ZHX2: variants seen among roughly 807,000 people sequenced by gnomAD.
ZHX2 encodes zinc fingers and homeoboxes 2, also known as zinc fingers and homeoboxes protein 2.
A neutral mutation model predicts 21.9 loss-of-function variants in ZHX2; 6 were observed. The observed-to-expected ratio is 0.27, with a 90% CI of 0.15 to 0.54. The LOEUF is 0.54. ZHX2 is among the 20% of genes least tolerant of loss of function. The pLI is 0.95. For missense variants in ZHX2, 908 were observed against 1,090.7 expected (o/e 0.83, Z 2.36); for synonymous variants, 434 against 437.1 (o/e 0.99, Z 0.09).
chr8:122,918,119 G>A (rs1820648002), intron 2 of ZHX2, among the ~76,000 whole-genome samples: 1 of 152,162 alleles, frequency 6.6e-6, no homozygotes, highest in Non-Finnish European at 1.5e-5. Context: ...CATTCTAAGT[G>A]CCTCTTATTA....
At chr8:122,906,737 C>A (rs1348870132) in intron 2 of ZHX2, among the ~76,000 whole-genome samples, 1 of 136,060 alleles carries the variant, frequency 7.3e-6, no homozygotes, top group Non-Finnish European at 1.5e-5. Flanking sequence ...GTAGGGCTAT[C>A]TCAGCTCACT....
chr8:122,871,499 AGGGGAACATCACACACC>A, intron 2 of ZHX2, among the ~76,000 whole-genome samples: 1 of 124,384 alleles, frequency 8.0e-6, no homozygotes, highest in African/African-American at 3.1e-5. Context: ...GGACACAGGA[AGGGGAACATCACACACC>A]GGGGCCTGTT....
chr8:122,806,082 A>C (rs917844091), intron 1 of ZHX2, among the ~76,000 whole-genome samples: 1 of 152,150 alleles, frequency 6.6e-6, no homozygotes, highest in African/African-American at 2.4e-5. Context: ...CTATCAGATT[A>C]ATCATCACGC....
rs137987225 is a variant in ZHX2, at chr8:122,929,834, C to T, written c.-219-21458C>T. ...TACCAGTATAAATCCAACTCTATGG[C>T]GCTATGGGAAGCTATGGCTGCTACA... is the stretch of plus-strand genomic sequence containing the variant. On this transcript the variant is annotated intron_variant, in intron 2 of 3. Coordinates refer to ENST00000314393, the MANE Select transcript of ZHX2 (RefSeq NM_014943.5). Among the ~76,000 whole-genome samples the T allele has an allele frequency of 2.7e-3, 413 of 152,230 alleles. 1 individual carries two copies. The highest frequency in any genetic ancestry group is 4.2e-3 in the Non-Finnish European group (287 of 68,014).
At chr8:122,879,533 T>C (rs1016245114) in intron 2 of ZHX2, among the ~76,000 whole-genome samples, 2 of 151,818 alleles carry the variant, frequency 1.3e-5, no homozygotes, top group African/African-American at 2.4e-5. Context: ...TTCTGCGTCA[T>C]TTTTTTCATA....
At chr8:122,815,219 AG>A (rs1818006485) in intron 1 of ZHX2, among the ~76,000 whole-genome samples, 1 of 152,244 alleles carries the variant, frequency 6.6e-6, no homozygotes, top group Admixed American at 6.5e-5. Flanking sequence ...TGCAGTGGGC[AG>A]GGTCGGCTTC....
intron 1 of ZHX2, among the ~76,000 whole-genome samples, chr8:122,791,552 CATA>C (rs749940750): frequency 3.3e-5 from 5 of 152,122 alleles, no homozygotes; most frequent in Non-Finnish European, 7.4e-5. Flanking sequence ...CTTATCTGAT[CATA>C]ATAATAAGTG....
chr8:122,870,206 C>T (rs751420804), intron 2 of ZHX2, among the ~76,000 whole-genome samples: 11 of 152,100 alleles, frequency 7.2e-5, no homozygotes, highest in Non-Finnish European at 1.6e-4. Flanking sequence ...TTGAGATGGG[C>T]AAGGTCAATG....
At chr8:122,889,482 T>C (rs1819926649) in intron 2 of ZHX2, among the ~76,000 whole-genome samples, 1 of 152,382 alleles carries the variant, frequency 6.6e-6, no homozygotes, top group East Asian at 1.9e-4. Flanking sequence ...TGATTCACGA[T>C]GTTGAGCATT....
At chr8:122,934,447 T>C (rs1166239986) in intron 2 of ZHX2, among the ~76,000 whole-genome samples, 2 of 152,148 alleles carry the variant, frequency 1.3e-5, no homozygotes, top group Non-Finnish European at 2.9e-5. Flanking sequence ...TCACCATAAT[T>C]ATATTCTGTT....
chr8:122,930,556 A>ACT (rs1820959134), intron 2 of ZHX2, among the ~76,000 whole-genome samples: 1 of 145,176 alleles, frequency 6.9e-6, no homozygotes, highest in Non-Finnish European at 1.5e-5. Context: ...TCCTGAGAGA[A>ACT]TTTTTTTTTT....
chr8:122,878,540 T>C (rs1050884622), intron 2 of ZHX2, among the ~76,000 whole-genome samples: 1 of 152,282 alleles, frequency 6.6e-6, no homozygotes, highest in East Asian at 1.9e-4. Flanking sequence ...CCAGGCATGA[T>C]TTCATGGGAG....
At chr8:122,780,918 C>G (rs1295466995), upstream of ZHX2, 1 of 152,186 alleles carries the variant, frequency 6.6e-6, no homozygotes, top group Non-Finnish European at 1.5e-5. Flanking sequence ...AGATCTTTAA[C>G]CAGCCTCAGA....
intron 1 of ZHX2, among the ~76,000 whole-genome samples, chr8:122,783,815 T>G (rs1177932757): frequency 6.6e-6 from 1 of 152,226 alleles, no homozygotes. Context: ...ATACACAGCT[T>G]CTTTTAAGGC....
chr8:122,855,237 G>A (rs893760954), intron 1 of ZHX2, among the ~76,000 whole-genome samples: 6 of 152,196 alleles, frequency 3.9e-5, no homozygotes, highest in Admixed American at 1.3e-4. Context: ...TGTAAATGAC[G>A]TGTTTAATAG....
At chr8:122,880,572 C>T (rs185057767) in intron 2 of ZHX2, among the ~76,000 whole-genome samples, 42 of 151,918 alleles carry the variant, frequency 2.8e-4, no homozygotes, top group Admixed American at 1.3e-3. Context: ...GTCAGGAGTT[C>T]GAGACCAGCC....
chr8:122,951,504 A>G lies in ZHX2; in HGVS notation c.-7A>G. ...CAAAAATAAGCCATTGCACACAGAC[A>G]GGCAGCATGGCTAGCAAACGAAAAT... is the stretch of plus-strand genomic sequence containing the variant. On this transcript the variant is annotated 5_prime_UTR_variant, in exon 3 of 4. Coordinates refer to ENST00000314393, the MANE Select transcript of ZHX2 (RefSeq NM_014943.5). The G allele has an allele frequency of 6.2e-7, 1 of 1,607,562 alleles. No homozygotes were observed. The highest frequency in any genetic ancestry group is 1.1e-5 in the South Asian group (1 of 89,986).
At chr8:122,785,676 G>A (rs1023853725) in intron 1 of ZHX2, among the ~76,000 whole-genome samples, 1 of 152,218 alleles carries the variant, frequency 6.6e-6, no homozygotes, top group Non-Finnish European at 1.5e-5. Flanking sequence ...GGTTCAACTT[G>A]TAAGGCAGAC....
chr8:122,927,465 A>T (rs1451331204), intron 2 of ZHX2, among the ~76,000 whole-genome samples: 2 of 152,224 alleles, frequency 1.3e-5, no homozygotes, highest in African/African-American at 2.4e-5. Context: ...ACTGCACTCC[A>T]GCCTGGGCAA....
Sources: allele counts gnomAD v4.1 joint callset (sites outside exome capture counted in the v4.1 genomes callset), GRCh38; gene constraint gnomAD v4.1.1; transcripts MANE v1.5; gene names NCBI Gene and HGNC (gene_info 2026-07-23, HGNC 2026-07-21).